Variants in NCALD observed in about 807,000 individuals in gnomAD.
The protein encoded by NCALD is neurocalcin delta, also known as neurocalcin-delta.
Under a neutral mutation model 18.6 loss-of-function variants are expected in NCALD, and 10 were observed. The observed-to-expected ratio is 0.54, with a 90% CI of 0.33 to 0.91. The LOEUF (loss-of-function observed/expected upper bound fraction) is 0.91. Among genes scored for constraint, NCALD ranks in the 40% least tolerant of loss-of-function variants. The pLI, the probability that NCALD is intolerant of heterozygous loss-of-function variation, is 0.03. For missense variants in NCALD, 184 were observed against 247.6 expected, an observed-to-expected ratio of 0.74 and a Z score of 1.72; for synonymous variants, 88 against 87.4, an observed-to-expected ratio of 1.01 and a Z score of -0.04.
chr8:101,978,055 GGTA>G (rs1259889507), intron 2 of NCALD, among the ~76,000 whole-genome samples: 1 of 150,348 alleles, frequency 6.7e-6, no homozygotes, highest in East Asian at 2.0e-4. Context: ...TCTTTTTTAA[GGTA>G]GATGTGCCTC....
chr8:101,896,624 A>G (rs1372356061), intron 3 of NCALD, among the ~76,000 whole-genome samples: 2 of 152,054 alleles, frequency 1.3e-5, no homozygotes, highest in Non-Finnish European at 2.9e-5. Context: ...CACCTGACAA[A>G]GGGCTAATAT....
chr8:101,760,428 A>C (rs1811063830), intron 1 of NCALD, among the ~76,000 whole-genome samples: 1 of 152,204 alleles, frequency 6.6e-6, no homozygotes, highest in Non-Finnish European at 1.5e-5. Context: ...TGGGAAGGAC[A>C]GATGACAACA....
chr8:101,983,378 C>T (rs940073592), intron 2 of NCALD, among the ~76,000 whole-genome samples: 3 of 152,298 alleles, frequency 2.0e-5, no homozygotes, highest in Admixed American at 6.5e-5. Flanking sequence ...CCCAGGACTC[C>T]GTCCCTATGC....
intron 1 of NCALD, among the ~76,000 whole-genome samples, chr8:102,052,928 C>G (rs1024415185): frequency 6.6e-6 from 1 of 152,182 alleles, no homozygotes; most frequent in Non-Finnish European, 1.5e-5. Flanking sequence ...TTTTCCCCAG[C>G]CATTTAAAAA....
rs189034595 is a variant in NCALD, at chr8:101,965,160, T to C, written c.-156-49302A>G. Among the ~76,000 whole-genome samples, 506 of 152,278 alleles carry C rather than the reference T, an allele frequency of 3.3e-3. 5 individuals are homozygous for C. The highest frequency in any genetic ancestry group is 4.9e-3 in the Admixed American group (75 of 15,292). On this transcript the variant is annotated intron_variant, in intron 2 of 6. Transcript: ENST00000311028. ...GAGAAATAGGAACACTTTTACAGTG[T>C]TGGTGGGAGTATAAATTAGTTCAAC...
intron 1 of NCALD, among the ~76,000 whole-genome samples, chr8:102,074,351 G>A (rs1824274748): frequency 1.3e-5 from 2 of 152,126 alleles, no homozygotes; most frequent in African/African-American, 4.8e-5. Context: ...GGGGAAAATG[G>A]CACCAGAAGT....
At chr8:101,905,539 T>A (rs1817583660) in intron 3 of NCALD, among the ~76,000 whole-genome samples, 1 of 152,196 alleles carries the variant, frequency 6.6e-6, no homozygotes, top group Non-Finnish European at 1.5e-5. Context: ...TTGTCATTTC[T>A]GTATGTCTAC....
chr8:101,772,443 G>A (rs770749952), intron 1 of NCALD, among the ~76,000 whole-genome samples: 1 of 152,160 alleles, frequency 6.6e-6, no homozygotes, highest in Non-Finnish European at 1.5e-5. Context: ...GGCCTGTTAA[G>A]ATTTGGACTT....
chr8:101,881,269 C>T (rs945454095), intron 4 of NCALD, among the ~76,000 whole-genome samples: 5 of 152,104 alleles, frequency 3.3e-5, no homozygotes, highest in Non-Finnish European at 7.4e-5. Flanking sequence ...TTCACTGCAC[C>T]ATAGCACAGT....
chr8:101,780,512 C>G (rs992322873), intron 1 of NCALD, among the ~76,000 whole-genome samples: 1 of 152,060 alleles, frequency 6.6e-6, no homozygotes, highest in Non-Finnish European at 1.5e-5. Context: ...TTTAAATTCC[C>G]TCAAAATGTC....
intron 1 of NCALD, among the ~76,000 whole-genome samples, chr8:102,082,771 G>A (rs1294941434): frequency 6.6e-6 from 1 of 152,172 alleles, no homozygotes; most frequent in East Asian, 1.9e-4. Flanking sequence ...ATTCACTTCA[G>A]AAGATTTCCT....
intron 4 of NCALD, among the ~76,000 whole-genome samples, chr8:101,844,896 T>C (rs933360484): frequency 1.3e-5 from 2 of 152,224 alleles, no homozygotes; most frequent in African/African-American, 2.4e-5. Context: ...CTTCCACACA[T>C]ACTGTCCCAT....
At chr8:102,059,186 T>C (rs1477202939) in intron 1 of NCALD, among the ~76,000 whole-genome samples, 1 of 152,262 alleles carries the variant, frequency 6.6e-6, no homozygotes, top group Non-Finnish European at 1.5e-5. Context: ...CTACCTCTAC[T>C]ACATGGTAAA....
At chr8:101,994,820 G>A (rs1283943486) in intron 2 of NCALD, among the ~76,000 whole-genome samples, 2 of 152,338 alleles carry the variant, frequency 1.3e-5, no homozygotes, top group African/African-American at 2.4e-5. Flanking sequence ...ACAATACCCA[G>A]CAAGTATTTG....
chr8:102,044,828 T>C (rs543109286), intron 1 of NCALD, among the ~76,000 whole-genome samples: 29 of 152,244 alleles, frequency 1.9e-4, no homozygotes, highest in African/African-American at 6.3e-4. Context: ...CTGTGTGAGC[T>C]TGGGCAAGTT....
chr8:101,794,146 C>T (rs907952446), upstream of NCALD, among the ~76,000 whole-genome samples: 2 of 152,208 alleles, frequency 1.3e-5, no homozygotes, highest in Non-Finnish European at 2.9e-5. Flanking sequence ...AAAATTCTGA[C>T]ACCTTGCCAC....
chr8:101,777,792 A>C (rs557027656), intron 1 of NCALD, among the ~76,000 whole-genome samples: 1 of 152,356 alleles, frequency 6.6e-6, no homozygotes, highest in Non-Finnish European at 1.5e-5. Context: ...GAATAAATCA[A>C]GAACTGGGAT....
intron 4 of NCALD, among the ~76,000 whole-genome samples, chr8:101,877,593 C>A (rs1288166379): frequency 6.6e-6 from 1 of 152,190 alleles, no homozygotes; most frequent in Non-Finnish European, 1.5e-5. Context: ...ATTCTGGAAG[C>A]CTTCATCTCC....
chr8:101,897,932 C>T (rs73280876), intron 3 of NCALD, among the ~76,000 whole-genome samples: 10,313 of 152,246 alleles, frequency 0.068, 728 homozygotes, highest in African/African-American at 0.18. Flanking sequence ...ATCACAGGGG[C>T]GGTTCCCCCA....
Sources: gnomAD v4.1 joint callset for allele counts (sites outside exome capture counted in the v4.1 genomes callset) on GRCh38, gnomAD v4.1.1 for gene constraint, MANE v1.5 for transcripts, NCBI Gene and HGNC (gene_info 2026-07-23, HGNC 2026-07-21) for gene names.